The following SAFB2 variants were observed in gnomAD, a reference collection of about 807,000 sequenced individuals.
SAFB2 encodes scaffold attachment factor B2.
A neutral mutation model predicts 100.6 loss-of-function variants in SAFB2; 32 were observed. The observed-to-expected ratio is 0.32, with a 90% CI of 0.24 to 0.43. The LOEUF is 0.43. Ranked by LOEUF, SAFB2 falls within the 20% of genes least tolerant of loss-of-function variation. SAFB2 has a pLI of 1.00. For synonymous variants in SAFB2, 500 were observed against 439.4 expected, an observed-to-expected ratio of 1.14 and a Z score of -1.72; for missense variants, 1,185 against 1,163.4, an observed-to-expected ratio of 1.02 and a Z score of -0.27.
chr19:5,587,976 C>A lies in SAFB2; in HGVS notation c.2530G>T (p.Gly844Cys). The change falls in exon 19 of 21, where the codon GGC becomes TGC. Residue 844 changes from glycine (G) to cysteine (C), a missense_variant. Physicochemically the swap from Gly to Cys is radical, Grantham distance 159. Transcript: ENST00000252542. The surrounding 1 kb of genome is among the most constrained non-coding windows in gnomAD (Gnocchi z 4.9). Reference sequence around the variant, plus strand: ...TGGTTGTGCTCTCCCCAGTCACGGCCACCCCTTTGCCAAAAGAAAAAGACA... The same window carrying A: ...TGGTTGTGCTCTCCCCAGTCACGGCAACCCCTTTGCCAAAAGAAAAAGACA... The part of the protein sequence containing the change: ...GRGLPPPPRG[G>C]RDWGEHNQRL... 1 of 1,610,632 alleles carries A rather than the reference C, an allele frequency of 6.2e-7. No individual in the cohort carries two copies. Among genetic ancestry groups the A allele is most frequent in the Non-Finnish European group, 8.5e-7 (1 of 1,178,708 alleles).
At chr19:5,589,665 A>G (rs1475375369) in intron 18 of SAFB2, among the ~76,000 whole-genome samples, 1 of 152,164 alleles carries the variant, frequency 6.6e-6, no homozygotes, top group African/African-American at 2.4e-5. Context: ...AGAGGCACCC[A>G]GAGTCCTCCC....
chr19:5,613,756 T>C, intron 4 of SAFB2: 1 of 985,368 alleles, frequency 1.0e-6, no homozygotes, highest in Non-Finnish European at 1.2e-6. Context: ...GTATGCCCTG[T>C]CTGTACTGGG....
chr19:5,620,689 A>T (rs2053122114), intron 2 of SAFB2, among the ~76,000 whole-genome samples: 2 of 152,206 alleles, frequency 1.3e-5, no homozygotes, highest in South Asian at 4.1e-4. Flanking sequence ...AAGGCGACTA[A>T]CTTCTAATGA....
rs759676144 is a variant in SAFB2 at position 5,594,189 on chromosome 19, A to C, written c.1920-11T>G. On this transcript the variant is annotated splice_polypyrimidine_tract_variant and intron_variant, in intron 14 of 20. Coordinates refer to ENST00000252542, the MANE Select transcript of SAFB2 (RefSeq NM_014649.3). ...CGCTGCTCGCGCTCCCTGCGGGGACAGGTGAGGCTGCCCTGAACTCCCTGC... is the reference window on the plus strand; with the variant it reads ...CGCTGCTCGCGCTCCCTGCGGGGACCGGTGAGGCTGCCCTGAACTCCCTGC... The C allele has an allele frequency of 2.5e-6, 4 of 1,577,406 alleles. No individual in the cohort carries two copies. The highest frequency in any genetic ancestry group is 3.4e-6 in the Non-Finnish European group (4 of 1,168,588).
At chr19:5,609,547 G>A (rs184799375) in intron 9 of SAFB2, among the ~76,000 whole-genome samples, 21 of 151,736 alleles carry the variant, frequency 1.4e-4, no homozygotes, top group Admixed American at 1.1e-3. Flanking sequence ...TAGGTGATAC[G>A]CCCGCCTCGG....
chr19:5,615,805 G>A (rs765186533), intron 4 of SAFB2, among the ~76,000 whole-genome samples: 12 of 152,230 alleles, frequency 7.9e-5, no homozygotes, highest in Non-Finnish European at 1.5e-4. Context: ...CAGGAGGATC[G>A]CTGGAGCCCA....
chr19:5,604,955 T>C lies in SAFB2; in HGVS notation c.1297-19A>G, dbSNP rs1363662882. ...CGACAACCTTCATGAAAAAGGGCAC[T>C]CTTACTCTCTCATACAAATGACCAC... On this transcript the variant is annotated intron_variant, in intron 9 of 20. Transcript: ENST00000252542. The C allele has an allele frequency of 2.5e-6, 4 of 1,609,648 alleles. No individual in the cohort carries two copies. The highest frequency in any genetic ancestry group is 1.3e-5 in the African/African-American group (1 of 74,838).
intron 11 of SAFB2, among the ~76,000 whole-genome samples, chr19:5,604,330 G>C (rs906942776): frequency 6.6e-6 from 1 of 152,170 alleles, no homozygotes; most frequent in South Asian, 2.1e-4. Flanking sequence ...ACTTGAACCC[G>C]GAAGGTGGAG....
At position 5,610,703 on chromosome 19, in the gene SAFB2, T is replaced by C; in HGVS notation, c.1146-15A>G. On this transcript the variant is annotated splice_polypyrimidine_tract_variant and intron_variant, in intron 7 of 20. Coordinates refer to ENST00000252542, the MANE Select transcript of SAFB2 (RefSeq NM_014649.3). ...CCTTAAAAGAGCTAGAGACAAAAGT[T>C]AATGTTACTCATACAGGAAAAAAAC... 1 of 1,514,970 alleles carries C rather than the reference T, an allele frequency of 6.6e-7. No individual in the cohort carries two copies. Among genetic ancestry groups the C allele is most frequent in the Non-Finnish European group, 9.1e-7 (1 of 1,100,154 alleles). 93.8% of individuals were successfully genotyped at this position (1,514,970 alleles called of 1,614,324 possible). A position where few individuals can be genotyped will look rare whatever the true frequency, so the allele number is the denominator to read the frequency against.
chr19:5,593,893 G>A lies in SAFB2; in HGVS notation c.2205C>T (p.Asp735=), dbSNP rs777341352. 16 of 1,499,664 alleles carry A rather than the reference G, an allele frequency of 1.1e-5. No homozygotes were observed. Among genetic ancestry groups the A allele is most frequent in the Middle Eastern group, 3.9e-4 (2 of 5,080 alleles). 92.9% of individuals were successfully genotyped at this position (1,499,664 alleles called of 1,614,324 possible). Residue 735 remains aspartate (D), a splice_region_variant and synonymous_variant, in exon 15 of 21, where the codon GAC becomes GAT. Transcript: ENST00000252542. The stretch of plus-strand genomic sequence containing the variant: ...CCCACGCTCTGGGCGGGACTCACCG[G>A]TCCAGGTCGTAGGGCCTCCGCCCGG... ...RRPGRRPYDL[D]RRDDAYWPEG... is the part of the protein sequence containing the mutation.
chr19:5,603,730 G>C (rs1008097159), intron 11 of SAFB2, among the ~76,000 whole-genome samples: 1 of 152,134 alleles, frequency 6.6e-6, no homozygotes, highest in African/African-American at 2.4e-5. Context: ...TGAACTCACA[G>C]GGTGCCTTGG....
chr19:5,612,393 G>A, intron 6 of SAFB2, 147 bp downstream of exon 6: 1 of 751,628 alleles, frequency 1.3e-6, no homozygotes, highest in Non-Finnish European at 2.3e-6. Flanking sequence ...ATACGAATGG[G>A]TTTCCAATCT....
chr19:5,589,764 G>A (rs989335268), intron 18 of SAFB2, among the ~76,000 whole-genome samples: 2 of 152,180 alleles, frequency 1.3e-5, no homozygotes, highest in Non-Finnish European at 2.9e-5. Flanking sequence ...GACACCTGTG[G>A]AGGACCTGGC....
chr19:5,610,300 T>A (rs1212252790), intron 8 of SAFB2: 1 of 599,276 alleles, frequency 1.7e-6, no homozygotes, highest in Non-Finnish European at 3.0e-6. Context: ...CAAGGAATAA[T>A]CATGCCCATG....
intron 9 of SAFB2, among the ~76,000 whole-genome samples, chr19:5,605,986 G>A (rs866259950): frequency 6.6e-6 from 1 of 152,208 alleles, no homozygotes; most frequent in Non-Finnish European, 1.5e-5. Flanking sequence ...CAGTGCACAC[G>A]TGTGCGAGGA....
intron 1 of SAFB2, 45 bp from the exon 2 acceptor site, chr19:5,621,441 G>A: frequency 3.4e-6 from 4 of 1,192,132 alleles, no homozygotes; most frequent in Admixed American, 1.7e-5. Context: ...AGAGCTGCAG[G>A]GCACACACTG....
intron 11 of SAFB2, among the ~76,000 whole-genome samples, chr19:5,600,733 AT>A (rs1352492057): frequency 1.3e-5 from 2 of 152,316 alleles, no homozygotes; most frequent in East Asian, 3.9e-4. Context: ...GCGGCAGGCC[AT>A]TTACCCGTGA....
intron 9 of SAFB2, among the ~76,000 whole-genome samples, chr19:5,606,797 A>C (rs1407264373): frequency 6.6e-6 from 1 of 152,230 alleles, no homozygotes; most frequent in Non-Finnish European, 1.5e-5. Context: ...TCTGACATGC[A>C]AAAGAAACAA....
At chr19:5,620,467 A>G (rs1046543464) in intron 2 of SAFB2, among the ~76,000 whole-genome samples, 3 of 152,238 alleles carry the variant, frequency 2.0e-5, no homozygotes, top group African/African-American at 4.8e-5. Context: ...ATGGAATTCA[A>G]TGCTTTCAAA....
Sources: gnomAD v4.1 joint callset for allele counts (sites outside exome capture counted in the v4.1 genomes callset) on GRCh38, gnomAD v4.1.1 for gene constraint, Gnocchi (gnomAD v3.1) non-coding constraint, MANE v1.5 for transcripts, NCBI Gene and HGNC (gene_info 2026-07-23, HGNC 2026-07-21) for gene names.